The following CPAMD8 variants were observed in gnomAD, a reference collection of about 807,000 sequenced individuals.
CPAMD8 encodes C3 and PZP like alpha-2-macroglobulin domain containing 8.
A neutral mutation model predicts 224.7 loss-of-function variants in CPAMD8; 146 were observed. The observed-to-expected ratio is 0.65, with a 90% CI of 0.57 to 0.75. The LOEUF (loss-of-function observed/expected upper bound fraction) is 0.75. Ranked by LOEUF, CPAMD8 falls within the 30% of genes least tolerant of loss-of-function variation. The pLI, the probability that CPAMD8 is intolerant of heterozygous loss-of-function variation, is 0.00. For missense variants in CPAMD8, 2,301 were observed against 2,537.5 expected, an observed-to-expected ratio of 0.91 and a Z score of 2.00; for synonymous variants, 966 against 1,044.6, an observed-to-expected ratio of 0.92 and a Z score of 1.45.
At position 16,893,246 on chromosome 19, in the gene CPAMD8, C is replaced by T. The variant is rs766545942; in HGVS notation, c.5520G>A (p.Pro1840=). 2.4e-5 allele frequency: 37 copies of T among 1,574,040 alleles called. No homozygotes were observed. The highest frequency in any genetic ancestry group is 8.1e-5 in the South Asian group (7 of 86,418). Reference sequence around the variant, plus strand: ...CCCGGCCACTATGTCTCTGAGGGGCCGGAGTCTGGCCCCATCTGTGGAACG... The same window carrying T: ...CCCGGCCACTATGTCTCTGAGGGGCTGGAGTCTGGCCCCATCTGTGGAACG... The part of the protein sequence containing the change: ...ASPFHRWGQT[P]APQRHSGRVV... Residue 1840 remains proline, a synonymous_variant, in exon 42 of 42, where the codon CCG becomes CCA. Coordinates refer to ENST00000443236, the MANE Select transcript of CPAMD8 (RefSeq NM_015692.5).
intron 3 of CPAMD8, among the ~76,000 whole-genome samples, chr19:17,018,530 T>C (rs2056869522): frequency 1.3e-5 from 2 of 152,062 alleles, no homozygotes; most frequent in Non-Finnish European, 2.9e-5. Flanking sequence ...AGAATGCTAA[T>C]ATGGCTTTAC....
chr19:17,015,607 G>C (rs1174831315), intron 3 of CPAMD8, among the ~76,000 whole-genome samples: 5 of 152,120 alleles, frequency 3.3e-5, no homozygotes, highest in African/African-American at 9.7e-5. Context: ...TCTTCTGACT[G>C]CAGTTTCCCC....
chr19:16,931,585 G>A (rs868065964), intron 23 of CPAMD8, among the ~76,000 whole-genome samples: 6 of 152,132 alleles, frequency 3.9e-5, no homozygotes, highest in African/African-American at 7.2e-5. Flanking sequence ...CTGGTCCACC[G>A]CTGCCACTAC....
At chr19:16,986,444 C>T (rs922081525) in intron 13 of CPAMD8, among the ~76,000 whole-genome samples, 1 of 152,146 alleles carries the variant, frequency 6.6e-6, no homozygotes, top group Non-Finnish European at 1.5e-5. Flanking sequence ...TCCTTCCTGT[C>T]CCCTGAGGAG....
chr19:16,925,179 C>A lies in CPAMD8; in HGVS notation c.3547+17G>T, dbSNP rs2053315602. On this transcript the variant is annotated intron_variant, in intron 26 of 41. Coordinates refer to ENST00000443236, the MANE Select transcript of CPAMD8 (RefSeq NM_015692.5). ...TCCCTTGCTCCCACCTCAACCCAGGCACTTCTTCCCCAATACCTTGTACTA... is the reference window on the plus strand; with the variant it reads ...TCCCTTGCTCCCACCTCAACCCAGGAACTTCTTCCCCAATACCTTGTACTA... 4.3e-6 allele frequency: 7 copies of A among 1,613,012 alleles called. No homozygotes were observed. Among genetic ancestry groups the A allele is most frequent in the Non-Finnish European group, 5.9e-6 (7 of 1,179,228 alleles).
intron 29 of CPAMD8, among the ~76,000 whole-genome samples, chr19:16,912,953 T>C (rs1403457049): frequency 2.0e-5 from 3 of 152,184 alleles, no homozygotes; most frequent in Non-Finnish European, 2.9e-5. Flanking sequence ...TCAATTATTC[T>C]ACAGGAAAAC....
At chr19:16,934,129 A>C (rs947232508) in intron 23 of CPAMD8, among the ~76,000 whole-genome samples, 2 of 152,142 alleles carry the variant, frequency 1.3e-5, no homozygotes, top group East Asian at 1.9e-4. Context: ...AATACAAACT[A>C]ATCTACAGAG....
At chr19:17,011,331 G>A (rs1031214785) in intron 5 of CPAMD8, 133 bp downstream of exon 5, 6 of 1,026,530 alleles carry the variant, frequency 5.8e-6, no homozygotes, top group Admixed American at 4.4e-5. Context: ...GTTCTCCGGG[G>A]GACATGAAAC....
At chr19:17,015,981 T>C (rs1471021804) in intron 3 of CPAMD8, among the ~76,000 whole-genome samples, 1 of 152,186 alleles carries the variant, frequency 6.6e-6, no homozygotes, top group Admixed American at 6.5e-5. Context: ...TCTTGCTCTG[T>C]TGCCCAGACT....
At chr19:16,973,061 C>G (rs183375934) in intron 17 of CPAMD8, among the ~76,000 whole-genome samples, 38 of 152,052 alleles carry the variant, frequency 2.5e-4, no homozygotes, top group Admixed American at 2.5e-3. Flanking sequence ...CCCAGCTACT[C>G]AGGAGGCTGA....
chr19:17,025,176 G>A (rs138953313), intron 1 of CPAMD8, among the ~76,000 whole-genome samples: 9 of 152,118 alleles, frequency 5.9e-5, no homozygotes, highest in Non-Finnish European at 1.3e-4. Context: ...TTTGGGAGGC[G>A]GAGGTGGGTG....
At chr19:16,920,584 G>A (rs147766249) in intron 27 of CPAMD8, among the ~76,000 whole-genome samples, 19 of 152,134 alleles carry the variant, frequency 1.2e-4, no homozygotes, top group African/African-American at 4.1e-4. Context: ...GGCCGGGCAC[G>A]GTGGCTCACG....
chr19:17,025,599 C>A (rs1036164161), intron 1 of CPAMD8, among the ~76,000 whole-genome samples: 1 of 152,178 alleles, frequency 6.6e-6, no homozygotes, highest in African/African-American at 2.4e-5. Flanking sequence ...AATGCCAACA[C>A]CAAATGCCTC....
intron 13 of CPAMD8, among the ~76,000 whole-genome samples, chr19:16,982,540 AAAG>A (rs2055551560): frequency 6.6e-6 from 1 of 152,104 alleles, no homozygotes; most frequent in South Asian, 2.1e-4. Flanking sequence ...TGAGCAGCAA[AAAG>A]AAGAATGTCA....
In CPAMD8 at chr19:16,929,189, C is replaced by T. The variant is rs773306721; in HGVS notation, c.2897G>A (p.Arg966Gln). 16 of 1,613,784 alleles carry T rather than the reference C, an allele frequency of 9.9e-6. No individual in the cohort carries two copies. The highest frequency in any genetic ancestry group is 2.2e-5 in the East Asian group (1 of 44,870). ...ATCAAAGCGGGTGAGGCGCAGTGGC[C>T]GCTGCACATACTGGAACTCATACTT... ...PNKYEFQYVQ[R>Q]PLRLTRFDVA... Residue 966 changes from arginine (R) to glutamine (Q), a missense_variant, in exon 24 of 42, where the codon CGG becomes CAG. Around this residue, in one of 4 missense-constraint regions of CPAMD8, gnomAD observed 1,709 missense variants for 1,753.2 expected, o/e 0.97. Coordinates refer to ENST00000443236, the MANE Select transcript of CPAMD8 (RefSeq NM_015692.5).
At chr19:17,001,887 G>A (rs2056336756) in intron 9 of CPAMD8, among the ~76,000 whole-genome samples, 1 of 151,594 alleles carries the variant, frequency 6.6e-6, no homozygotes, top group African/African-American at 2.4e-5. Flanking sequence ...GCACGGGAAA[G>A]GATGATGCTC....
intron 26 of CPAMD8, among the ~76,000 whole-genome samples, 165 bp downstream of exon 26, chr19:16,925,031 T>C (rs992252562): frequency 1.3e-5 from 2 of 152,238 alleles, no homozygotes; most frequent in Non-Finnish European, 2.9e-5. Context: ...ATCAGGCTCC[T>C]GCTGACAGTG....
chr19:16,965,219 C>T (rs2054790072), intron 18 of CPAMD8, among the ~76,000 whole-genome samples: 3 of 151,978 alleles, frequency 2.0e-5, no homozygotes, highest in Admixed American at 2.0e-4. Context: ...GATATCGCAC[C>T]ACTGCACTCC....
chr19:16,926,128 G>A (rs987917470), intron 25 of CPAMD8, among the ~76,000 whole-genome samples: 4 of 151,850 alleles, frequency 2.6e-5, no homozygotes, highest in African/African-American at 9.7e-5. Flanking sequence ...TTTAAAAAAA[G>A]TTTCTATATG....
Sources: allele counts gnomAD v4.1 joint callset (sites outside exome capture counted in the v4.1 genomes callset), GRCh38; gene constraint gnomAD v4.1.1; regional missense constraint gnomAD v4.1.1; transcripts MANE v1.5; gene names NCBI Gene and HGNC (gene_info 2026-07-23, HGNC 2026-07-21).